The following SEPSECS variants were observed in gnomAD, a reference collection of about 807,000 sequenced individuals.
SEPSECS encodes the protein O-phosphoseryl-tRNA(Sec) selenium transferase.
SEPSECS carries 42 observed loss-of-function variants against 52.1 expected under a neutral mutation model. The ratio of observed to expected loss-of-function variants is 0.81; its 90% CI spans 0.63 to 1.04. The LOEUF is 1.04. Among genes scored for constraint, SEPSECS ranks in the 50% least tolerant of loss-of-function variants. The pLI is 0.00. For synonymous variants in SEPSECS, 216 were observed against 211.4 expected (o/e 1.02, Z -0.19); for missense variants, 590 against 610.6 (o/e 0.97, Z 0.36).
In SEPSECS at chr4:25,122,872, T is replaced by C. The variant is rs1439198639; in HGVS notation, c.*1059A>G. 1.3e-5 allele frequency: 2 copies of C among 152,286 alleles called. No individual in the cohort carries two copies. Among genetic ancestry groups the C allele is most frequent in the Admixed American group, 6.5e-5 (1 of 15,286 alleles). 9.4% of individuals were successfully genotyped at this position (152,286 alleles called of 1,614,324 possible). A position where few individuals can be genotyped will look rare whatever the true frequency, so the allele number is the denominator to read the frequency against. On this transcript the variant is annotated 3_prime_UTR_variant, in exon 11 of 11. Transcript: ENST00000382103. ...AAGTAGAGGGGAATACACCTGTTTA[T>C]CATACTATGTGATTTTCATCTTCCT...
intron 6 of SEPSECS, among the ~76,000 whole-genome samples, chr4:25,146,715 C>T (rs1007123050): frequency 2.0e-5 from 3 of 152,130 alleles, no homozygotes; most frequent in African/African-American, 7.2e-5. Context: ...ACAGGCCAGA[C>T]CCAATCTCAG....
chr4:25,139,051 C>A (rs1681353375), intron 8 of SEPSECS, among the ~76,000 whole-genome samples: 1 of 152,198 alleles, frequency 6.6e-6, no homozygotes, highest in Non-Finnish European at 1.5e-5. Flanking sequence ...ACTGTCTTTT[C>A]TCCAGGGAGA....
intron 2 of SEPSECS, among the ~76,000 whole-genome samples, chr4:25,157,984 A>G (rs1407750359): frequency 3.3e-5 from 5 of 152,194 alleles, no homozygotes; most frequent in Non-Finnish European, 7.3e-5. Context: ...ATTAGACAAT[A>G]TTATACATTG....
chr4:25,158,379 TATTA>T (rs1712817663), intron 2 of SEPSECS, among the ~76,000 whole-genome samples: 1 of 152,058 alleles, frequency 6.6e-6, no homozygotes, highest in African/African-American at 2.4e-5. Context: ...TGAGTGATCA[TATTA>T]ACTACCAATT....
chr4:25,124,919 GTCAATTAGGC>G (rs2109480931), intron 10 of SEPSECS, among the ~76,000 whole-genome samples: 1 of 151,770 alleles, frequency 6.6e-6, no homozygotes, highest in South Asian at 2.1e-4. Context: ...TTTCAAAGAA[GTCAATTAGGC>G]TCAACCTAAA....
intron 2 of SEPSECS, among the ~76,000 whole-genome samples, chr4:25,158,194 T>C (rs1366658616): frequency 6.6e-6 from 1 of 152,260 alleles, no homozygotes; most frequent in Non-Finnish European, 1.5e-5. Flanking sequence ...AGCAAACTGT[T>C]AACTGAAATT....
chr4:25,125,499 T>C (rs1728322688), intron 10 of SEPSECS, 195 bp downstream of exon 10: 9 of 582,316 alleles, frequency 1.5e-5, no homozygotes. Context: ...TTTTTGTGAC[T>C]ATTTCAGGCA....
Position 25,123,730 on chromosome 4 carries a change from T to C in SEPSECS, c.*201A>G. 1 of 587,782 alleles carries C rather than the reference T, an allele frequency of 1.7e-6. No homozygotes were observed. Among genetic ancestry groups the C allele is most frequent in the Non-Finnish European group, 3.0e-6 (1 of 329,066 alleles). The allele number at this position is 587,782 out of a possible 1,614,324, so 36.4% of individuals were successfully genotyped here. A position where few individuals can be genotyped will look rare whatever the true frequency, so the allele number is the denominator to read the frequency against. ...ATGCTAATTGTATATTATAACCTGT[T>C]AAGGATCACAAGGATTGATGCAGTC... On this transcript the variant is annotated 3_prime_UTR_variant, in exon 11 of 11. Coordinates refer to ENST00000382103, the MANE Select transcript of SEPSECS (RefSeq NM_016955.4).
At chr4:25,155,226 T>C (rs1357702312) in intron 4 of SEPSECS, 75 bp from the exon 5 acceptor site, 3 of 1,482,342 alleles carry the variant, frequency 2.0e-6, no homozygotes, top group Non-Finnish European at 2.8e-6. Flanking sequence ...CTAGGAAGCA[T>C]GCTATTCTAC....
intron 2 of SEPSECS, among the ~76,000 whole-genome samples, chr4:25,157,822 G>A (rs564041035): frequency 6.6e-6 from 1 of 152,030 alleles, no homozygotes; most frequent in Non-Finnish European, 1.5e-5. Context: ...TGAGATTACC[G>A]GCGTGAGCCA....
At chr4:25,144,267 G>T (rs1371998332) in intron 8 of SEPSECS, among the ~76,000 whole-genome samples, 4 of 148,990 alleles carry the variant, frequency 2.7e-5, no homozygotes, top group African/African-American at 9.9e-5. Flanking sequence ...TTGAACCTGG[G>T]AGGCGGAGGT....
At chr4:25,144,721 T>C in intron 8 of SEPSECS, 53 bp downstream of exon 8, 1 of 1,266,222 alleles carries the variant, frequency 7.9e-7, no homozygotes, top group South Asian at 1.2e-5. Context: ...ACCAATGATT[T>C]GGAGCACAGT....
At chr4:25,160,195 G>A in intron 1 of SEPSECS, 61 bp downstream of exon 1, 1 of 1,543,512 alleles carries the variant, frequency 6.5e-7, no homozygotes, top group Non-Finnish European at 8.8e-7. Flanking sequence ...CAGCGGGGAC[G>A]CCCGGCGGAG....
intron 8 of SEPSECS, among the ~76,000 whole-genome samples, chr4:25,141,102 T>C (rs1357895153): frequency 6.6e-6 from 1 of 152,164 alleles, no homozygotes; most frequent in African/African-American, 2.4e-5. Flanking sequence ...CAATACTATG[T>C]CAGTTTATAT....
chr4:25,131,835 C>T (rs1448900988), intron 8 of SEPSECS, among the ~76,000 whole-genome samples: 2 of 152,154 alleles, frequency 1.3e-5, no homozygotes, highest in East Asian at 3.8e-4. Flanking sequence ...TGATTACCTG[C>T]CTTCCCTGTT....
intron 9 of SEPSECS, among the ~76,000 whole-genome samples, chr4:25,126,442 G>A (rs1577600273): frequency 6.6e-6 from 1 of 152,120 alleles, no homozygotes; most frequent in African/African-American, 2.4e-5. Context: ...ATATATTGGT[G>A]TTCAAATGGT....
chr4:25,136,734 C>T (rs532898737), intron 8 of SEPSECS, among the ~76,000 whole-genome samples: 3 of 151,928 alleles, frequency 2.0e-5, no homozygotes, highest in East Asian at 3.9e-4. Flanking sequence ...CACATGGAAC[C>T]AAAAAAGAGT....
At position 25,152,180 on chromosome 4, in the gene SEPSECS, G is replaced by A. The variant is rs532129696; in HGVS notation, c.702-118C>T. 5.2e-4 allele frequency: 334 copies of A among 646,366 alleles called. 2 individuals carry two copies. The African/African-American group carries it at 5.5e-3, about 11-fold the overall frequency. The allele number at this position is 646,366 out of a possible 1,614,324, so 40.0% of individuals were successfully genotyped here. The stretch of plus-strand genomic sequence containing the variant: ...TTAATGTACACCAAAGGAAAAAAAC[G>A]ACAAACACTGAAATTTCTATTGCAG... On this transcript the variant is annotated intron_variant, in intron 5 of 10. Coordinates refer to ENST00000382103, the MANE Select transcript of SEPSECS (RefSeq NM_016955.4).
chr4:25,120,944 A>C lies in SEPSECS; in HGVS notation c.*2987T>G, dbSNP rs569788310. ...GTAGTCTAAGCACATTCTGTAGCCC[A>C]GTCCTCAATAACAGTTCTTATTATG... On this transcript the variant is annotated 3_prime_UTR_variant, in exon 11 of 11. Coordinates refer to ENST00000382103, the MANE Select transcript of SEPSECS (RefSeq NM_016955.4). 3 of 152,304 alleles carry C rather than the reference A, an allele frequency of 2.0e-5. No individual in the cohort carries two copies. The East Asian group carries it at 5.8e-4, about 29-fold the overall frequency. 9.4% of individuals were successfully genotyped at this position (152,304 alleles called of 1,614,324 possible).
Sources: gnomAD v4.1 joint callset for allele counts (sites outside exome capture counted in the v4.1 genomes callset) on GRCh38, gnomAD v4.1.1 for gene constraint, MANE v1.5 for transcripts, NCBI Gene and HGNC (gene_info 2026-07-23, HGNC 2026-07-21) for gene names.